Variants in LMTK3 observed in about 807,000 individuals in gnomAD.
The protein encoded by LMTK3 is lemur tail kinase 3, also known as serine/threonine-protein kinase LMTK3.
Under a neutral mutation model 116.7 loss-of-function variants are expected in LMTK3, and 27 were observed. The ratio of observed to expected loss-of-function variants is 0.23; its 90% CI spans 0.17 to 0.32. LMTK3 has a LOEUF of 0.32. Ranked by LOEUF, LMTK3 falls within the 10% of genes least tolerant of loss-of-function variation. The pLI is 1.00. For synonymous variants in LMTK3, 965 were observed against 971.0 expected (o/e 0.99, Z 0.11); for missense variants, 1,764 against 2,068.5 (o/e 0.85, Z 2.86).
Position 48,509,969 on chromosome 19 carries a change from C to A in LMTK3, c.361+54G>T. The A allele has an allele frequency of 5.0e-6, 8 of 1,599,930 alleles. No homozygotes were observed. The South Asian group carries it at 8.9e-5, about 18-fold the overall frequency. On this transcript the variant is annotated intron_variant, in intron 3 of 14. Transcript: ENST00000600059. ...GCCCCTGAAGGAACACACTCAACAT[C>A]TTCTGGCCTTTCCCGGGACACCATG...
chr19:48,496,809 CAG>C (rs1297851010), intron 11 of LMTK3, among the ~76,000 whole-genome samples: 2 of 152,246 alleles, frequency 1.3e-5, no homozygotes, highest in African/African-American at 4.8e-5. Flanking sequence ...CATCCACAGA[CAG>C]GCTTCCTTTG....
chr19:48,491,422 TG>T lies in LMTK3; in HGVS notation c.4209del (p.Ser1404AlafsTer80). On this transcript the variant is annotated frameshift_variant, in exon 13 of 15. Transcript: ENST00000600059. LOFTEE classifies it high-confidence loss of function. The surrounding 1 kb of genome is among the most constrained non-coding windows in gnomAD (Gnocchi z 5.1). ...TCCTCACCAAAGCCGCTGTCGTTGC[TG>T]GGAAACCCATCTCCGGGGGTGGCGG... ...PHPATPGDGFPSNDSGFGGSF... is the reference protein window; with the variant it reads ...PHPATPGDGFXSNDSGFGGSF... 1 of 1,406,204 alleles carries T rather than the reference TG, an allele frequency of 7.1e-7. No homozygotes were observed. Among genetic ancestry groups the T allele is most frequent in the Non-Finnish European group, 9.3e-7 (1 of 1,078,466 alleles). The allele number at this position is 1,406,204 out of a possible 1,614,324, so 87.1% of individuals were successfully genotyped here. A position where few individuals can be genotyped will look rare whatever the true frequency, so the allele number is the denominator to read the frequency against.
intron 11 of LMTK3, among the ~76,000 whole-genome samples, chr19:48,496,239 A>G (rs1185397012): frequency 6.6e-6 from 1 of 151,180 alleles, no homozygotes; most frequent in East Asian, 1.9e-4. Context: ...CCTCCCAAGT[A>G]GCTAGGACTA....
chr19:48,488,660 C>T lies in LMTK3; in HGVS notation c.4366+2448G>A, dbSNP rs144320305. On this transcript the variant is annotated intron_variant, in intron 14 of 14. Coordinates refer to ENST00000600059, the MANE Select transcript of LMTK3 (RefSeq NM_001388485.1). ...CCTCAGGCCCTGTGTGCAAGCTGTC[C>T]CCTCTGCCAGCACGCCATCCCCTTC... 1.4e-4 allele frequency among the ~76,000 whole-genome samples: 21 copies of T among 152,206 alleles called. 1 individual carries two copies. The highest frequency in any genetic ancestry group is 3.4e-3 in the Middle Eastern group (1 of 294).
chr19:48,510,564 C>T lies in LMTK3; in HGVS notation c.105G>A (p.Leu35=), dbSNP rs1250718831. The T allele has an allele frequency of 5.0e-6, 8 of 1,595,450 alleles. No individual in the cohort carries two copies. Among genetic ancestry groups the T allele is most frequent in the Non-Finnish European group, 6.8e-6 (8 of 1,172,196 alleles). ...PDGFALGRAP[L]APPYAVVLIS... ...TGAGGACCACAGCGTAGGGAGGAGCCAGAGGAGCCCGGCCCAGGGCGAATC... is the reference window on the plus strand; with the variant it reads ...TGAGGACCACAGCGTAGGGAGGAGCTAGAGGAGCCCGGCCCAGGGCGAATC... Residue 35 remains leucine, a synonymous_variant, in exon 2 of 15, where the codon CTG becomes CTA. Transcript: ENST00000600059.
upstream of LMTK3, among the ~76,000 whole-genome samples, chr19:48,512,819 A>G (rs960586493): frequency 3.3e-5 from 5 of 152,198 alleles, no homozygotes; most frequent in African/African-American, 1.2e-4. Context: ...AAAAATACAC[A>G]TAAATACACC....
intron 14 of LMTK3, among the ~76,000 whole-genome samples, chr19:48,489,338 C>T (rs962854506): frequency 3.3e-5 from 5 of 152,168 alleles, no homozygotes; most frequent in Admixed American, 6.5e-5. Context: ...GCTGGGAGGC[C>T]AAGGCGGGCA....
At chr19:48,492,023 A>G (rs560391865) in intron 12 of LMTK3, among the ~76,000 whole-genome samples, 9 of 148,826 alleles carry the variant, frequency 6.0e-5, no homozygotes, top group African/African-American at 2.2e-4. Context: ...CCCGCCCTCC[A>G]AGTCCCACCC....
chr19:48,487,323 C>T (rs116576348), intron 14 of LMTK3, among the ~76,000 whole-genome samples: 2,348 of 152,164 alleles, frequency 0.015, 48 homozygotes, highest in African/African-American at 0.053. Context: ...GTGAGCCACG[C>T]GCCCAGCCCA....
rs146726476 is a variant in LMTK3 at position 48,495,079 on chromosome 19, G to A, written c.3677-970C>T. On this transcript the variant is annotated intron_variant, in intron 11 of 14. Coordinates refer to ENST00000600059, the MANE Select transcript of LMTK3 (RefSeq NM_001388485.1). ...GGCTGGAGTGCAGTGGTACGATCTC[G>A]GCGCATTGCAACCTCCGCCTCCTGA... is the stretch of plus-strand genomic sequence containing the variant. Among the ~76,000 whole-genome samples, 6 of 151,110 alleles carry A rather than the reference G, an allele frequency of 4.0e-5. No homozygotes were observed. In the East Asian group the frequency reaches 9.7e-4, roughly 25 times the overall value.
chr19:48,501,054 G>A lies in LMTK3; in HGVS notation c.1093C>T (p.Arg365Cys), dbSNP rs1271831767. 5 of 1,555,222 alleles carry A rather than the reference G, an allele frequency of 3.2e-6. No individual in the cohort carries two copies. Among genetic ancestry groups the A allele is most frequent in the Non-Finnish European group, 3.5e-6 (4 of 1,151,944 alleles). ...CGGGCCAGCTTCACATGCTGCTGGC[G>A]GACCACGAAGGCGAGGACCTCCTCG... is the stretch of plus-strand genomic sequence containing the variant. ...SDEEVLAFVVRQQHVKLARPR... is the reference protein window; with the variant it reads ...SDEEVLAFVVCQQHVKLARPR... The change falls in exon 10 of 15, where the codon CGC becomes TGC. Residue 365 changes from arginine (R) to cysteine (C), a missense_variant. This residue lies in a region of LMTK3 where 271 missense variants were observed against 478.2 expected (regional missense o/e 0.57). Coordinates refer to ENST00000600059, the MANE Select transcript of LMTK3 (RefSeq NM_001388485.1).
rs189796987 is a variant in LMTK3, at chr19:48,505,833, C to T, written c.558-2837G>A. On this transcript the variant is annotated intron_variant, in intron 5 of 14. Coordinates refer to ENST00000600059, the MANE Select transcript of LMTK3 (RefSeq NM_001388485.1). ...CTGAGGCCCCGCCATTGCACTCCAG[C>T]CTGGGCAACAAGATTGAAACTCTGT... is the stretch of plus-strand genomic sequence containing the variant. 4.9e-4 allele frequency among the ~76,000 whole-genome samples: 73 copies of T among 148,016 alleles called. 1 individual carries two copies. Among genetic ancestry groups the T allele is most frequent in the African/African-American group, 1.6e-3 (65 of 39,890 alleles).
intron 11 of LMTK3, among the ~76,000 whole-genome samples, chr19:48,495,256 C>T (rs1384777141): frequency 6.6e-6 from 1 of 152,096 alleles, no homozygotes; most frequent in Non-Finnish European, 1.5e-5. Flanking sequence ...GCGATCCTCC[C>T]ACCTCGGCCT....
chr19:48,485,708 A>G lies in LMTK3; in HGVS notation c.*65T>C. 1 of 1,564,870 alleles carries G rather than the reference A, an allele frequency of 6.4e-7. No homozygotes were observed. Among genetic ancestry groups the G allele is most frequent in the South Asian group, 1.2e-5 (1 of 86,840 alleles). ...CTGCGGTGGTGGCAGTGGCGCCGTC[A>G]TCCACAGAGGATTCCATTCTCAACC... On this transcript the variant is annotated 3_prime_UTR_variant, in exon 15 of 15. Coordinates refer to ENST00000600059, the MANE Select transcript of LMTK3 (RefSeq NM_001388485.1).
intron 14 of LMTK3, among the ~76,000 whole-genome samples, chr19:48,487,334 C>T (rs118044454): frequency 0.016 from 2,449 of 152,216 alleles, 26 homozygotes; most frequent in Middle Eastern, 0.031. Context: ...GCCCAGCCCA[C>T]CTGGCTAATT....
chr19:48,495,232 A>C (rs1310364338), intron 11 of LMTK3, among the ~76,000 whole-genome samples: 1 of 151,528 alleles, frequency 6.6e-6, no homozygotes, highest in Non-Finnish European at 1.5e-5. Context: ...CTGGTCTCGA[A>C]CTCCTGACCT....
intron 14 of LMTK3, among the ~76,000 whole-genome samples, chr19:48,486,295 G>A (rs1972124253): frequency 6.6e-6 from 1 of 150,640 alleles, no homozygotes; most frequent in Non-Finnish European, 1.5e-5. Context: ...TCCTGACCTC[G>A]TGATCCACCC....
In LMTK3 at chr19:48,498,902, C is replaced by G. The variant is rs1388644320; in HGVS notation, c.2167G>C (p.Ala723Pro). 20 of 1,240,380 alleles carry G rather than the reference C, an allele frequency of 1.6e-5. No individual in the cohort carries two copies. In the African/African-American group the frequency reaches 2.1e-4, roughly 13 times the overall value. The allele number at this position is 1,240,380 out of a possible 1,614,324, so 76.8% of individuals were successfully genotyped here. A position where few individuals can be genotyped will look rare whatever the true frequency, so the allele number is the denominator to read the frequency against. ...TCGGGGGGGGCCGAGGCGGGGGGGG[C>G]CATGGGCAAGTCGGCCAGGGAGCCC... ...ERGSLADLPMAPPASAPPEFL... is the reference protein window; with the variant it reads ...ERGSLADLPMPPPASAPPEFL... The change falls in exon 11 of 15, where the codon GCC (alanine) becomes CCC (proline). Residue 723 changes from alanine (A) to proline (P), a missense_variant. Physicochemically the swap from Ala to Pro is conservative, Grantham distance 27. Around this residue, in one of 7 missense-constraint regions of LMTK3, gnomAD observed 1,028 missense variants for 1,050.6 expected, o/e 0.98. Transcript: ENST00000600059.
chr19:48,510,940 G>A (rs1299085119), intron 1 of LMTK3, among the ~76,000 whole-genome samples: 1 of 152,128 alleles, frequency 6.6e-6, no homozygotes, highest in Non-Finnish European at 1.5e-5. Flanking sequence ...ATACGCTCCC[G>A]TGGACAGCCT....
Sources: gnomAD v4.1 joint callset for allele counts (sites outside exome capture counted in the v4.1 genomes callset) on GRCh38, gnomAD v4.1.1 for gene constraint, gnomAD v4.1.1 regional missense constraint, Gnocchi (gnomAD v3.1) non-coding constraint, MANE v1.5 for transcripts, NCBI Gene and HGNC (gene_info 2026-07-23, HGNC 2026-07-21) for gene names.